PCDHGB7: variants seen among roughly 807,000 people sequenced by gnomAD.
PCDHGB7 encodes the protein protocadherin gamma subfamily B, 7.
In PCDHGB7, 37 loss-of-function variants were observed where a neutral mutation model predicts 61.4. That is an observed-to-expected ratio of 0.60 (90% confidence interval 0.46 to 0.79). The LOEUF (loss-of-function observed/expected upper bound fraction) is 0.79. Ranked by LOEUF, PCDHGB7 falls within the 30% of genes least tolerant of loss-of-function variation. PCDHGB7 has a pLI of 0.00. For missense variants in PCDHGB7, 1,166 were observed against 1,202.5 expected, an observed-to-expected ratio of 0.97 and a Z score of 0.45; for synonymous variants, 464 against 503.5, an observed-to-expected ratio of 0.92 and a Z score of 1.05.
intron 1 of PCDHGB7, among the ~76,000 whole-genome samples, chr5:141,467,372 T>C (rs1006663543): frequency 2.0e-5 from 3 of 152,072 alleles, no homozygotes; most frequent in African/African-American, 7.2e-5. Flanking sequence ...TTTTCTTATA[T>C]TGCATTTAGG....
Position 141,487,893 on chromosome 5 carries a change from G to A in PCDHGB7, c.2416-6914G>A. Reference sequence around the variant, plus strand: ...AGCCAGGCTGTTGTGGAAGCATGATGATGGAATGTGGGAGCACAGGAGGCT... The same window carrying A: ...AGCCAGGCTGTTGTGGAAGCATGATAATGGAATGTGGGAGCACAGGAGGCT... On this transcript the variant is annotated intron_variant, in intron 1 of 3. Coordinates refer to ENST00000398594, the MANE Select transcript of PCDHGB7 (RefSeq NM_018927.4). The surrounding 1 kb of genome is among the most constrained non-coding windows in gnomAD (Gnocchi z 5.0). The A allele has an allele frequency of 1.4e-6, 1 of 731,472 alleles. No individual in the cohort carries two copies. The highest frequency in any genetic ancestry group is 2.2e-6 in the Non-Finnish European group (1 of 450,166). 45.3% of individuals were successfully genotyped at this position (731,472 alleles called of 1,614,324 possible). A position where few individuals can be genotyped will look rare whatever the true frequency, so the allele number is the denominator to read the frequency against.
chr5:141,446,173 G>A (rs2098491860), intron 1 of PCDHGB7, among the ~76,000 whole-genome samples: 1 of 152,076 alleles, frequency 6.6e-6, no homozygotes, highest in East Asian at 1.9e-4. Context: ...TGAGGGCAGG[G>A]GGTGTTTTGT....
rs530054362 is a variant in PCDHGB7 at position 141,486,066 on chromosome 5, C to G, written c.2416-8741C>G. ...AGAAACCTCTTTAGCCTGCACCCCACTACTGGAAAGCTTACTCTTTTGGGG... is the reference window on the plus strand; with the variant it reads ...AGAAACCTCTTTAGCCTGCACCCCAGTACTGGAAAGCTTACTCTTTTGGGG... On this transcript the variant is annotated intron_variant, in intron 1 of 3. Coordinates refer to ENST00000398594, the MANE Select transcript of PCDHGB7 (RefSeq NM_018927.4). This position sits in a 1 kb window ranked among gnomAD's most constrained non-coding sequence, Gnocchi z 5.0. The G allele has an allele frequency of 3.1e-6, 5 of 1,614,166 alleles. No homozygotes were observed. In the African/African-American group the frequency reaches 5.3e-5, roughly 17 times the overall value.
intron 2 of PCDHGB7, among the ~76,000 whole-genome samples, chr5:141,497,016 C>G (rs1384415729): frequency 6.6e-6 from 1 of 152,056 alleles, no homozygotes; most frequent in East Asian, 1.9e-4. Context: ...TGGTGAAACC[C>G]CATCTCGATT....
At position 141,432,952 on chromosome 5, in the gene PCDHGB7, C is replaced by G. The variant is rs2097553312; in HGVS notation, c.2415+12678C>G. ...GCCTGCTGCAGGCTTCAGGAGGCGGCTTGACAGGAGCGCCGGCGTCGCACT... is the reference window on the plus strand; with the variant it reads ...GCCTGCTGCAGGCTTCAGGAGGCGGGTTGACAGGAGCGCCGGCGTCGCACT... On this transcript the variant is annotated intron_variant, in intron 1 of 3. Transcript: ENST00000398594. The surrounding 1 kb of genome is among the most constrained non-coding windows in gnomAD (Gnocchi z 6.0). 1 of 1,614,086 alleles carries G rather than the reference C, an allele frequency of 6.2e-7. No individual in the cohort carries two copies. Among genetic ancestry groups the G allele is most frequent in the South Asian group, 1.1e-5 (1 of 91,090 alleles).
intron 1 of PCDHGB7, among the ~76,000 whole-genome samples, chr5:141,460,536 G>A (rs911670681): frequency 2.0e-5 from 3 of 152,092 alleles, no homozygotes; most frequent in African/African-American, 7.2e-5. Flanking sequence ...AATAATCTTA[G>A]CACCTTAATC....
At chr5:141,430,206 TTATTA>T (rs1267858049) in intron 1 of PCDHGB7, among the ~76,000 whole-genome samples, 2 of 151,984 alleles carry the variant, frequency 1.3e-5, no homozygotes, top group African/African-American at 4.8e-5. Flanking sequence ...AAAGTTTAAA[TTATTA>T]TATTATATGA....
Position 141,486,998 on chromosome 5 carries a change from C to G in PCDHGB7, c.2416-7809C>G, listed in dbSNP as rs754609128. On this transcript the variant is annotated intron_variant, in intron 1 of 3. Coordinates refer to ENST00000398594, the MANE Select transcript of PCDHGB7 (RefSeq NM_018927.4). The surrounding 1 kb of genome is among the most constrained non-coding windows in gnomAD (Gnocchi z 5.0). ...AGGTTACAATGCTTGGGTTTCCTAT[C>G]AGCTCCTGGAGGCCCCAGATCCCAG... The G allele has an allele frequency of 6.2e-7, 1 of 1,614,206 alleles. No homozygotes were observed. Among genetic ancestry groups the G allele is most frequent in the Non-Finnish European group, 8.5e-7 (1 of 1,180,034 alleles).
chr5:141,494,901 G>C, intron 2 of PCDHGB7, 36 bp downstream of exon 2: 1 of 1,614,050 alleles, frequency 6.2e-7, no homozygotes, highest in Non-Finnish European at 8.5e-7. Context: ...CCTCTTCTCT[G>C]CGGCATTTTC....
Position 141,496,888 on chromosome 5 carries a change from TA to T in PCDHGB7, c.2474+2038del, listed in dbSNP as rs35063790. 4.6e-3 allele frequency among the ~76,000 whole-genome samples: 621 copies of T among 133,932 alleles called. 1 individual carries two copies. Among genetic ancestry groups the T allele is most frequent in the Middle Eastern group, 0.011 (3 of 270 alleles). 87.9% of individuals were successfully genotyped at this position (133,932 alleles called of 152,430 possible). ...CTGAAAATTTGCAACAAGTAACACT[TA>T]AAAAAAAAAAAAAAGGCTGGGCACT... On this transcript the variant is annotated intron_variant, in intron 2 of 3. Coordinates refer to ENST00000398594, the MANE Select transcript of PCDHGB7 (RefSeq NM_018927.4).
intron 1 of PCDHGB7, among the ~76,000 whole-genome samples, chr5:141,449,342 C>T (rs895923034): frequency 3.3e-5 from 5 of 151,854 alleles, no homozygotes; most frequent in Non-Finnish European, 5.9e-5. Context: ...TGCAGTGGCT[C>T]ACTCCTGTAA....
chr5:141,509,499 T>C (rs895353804), intron 3 of PCDHGB7, among the ~76,000 whole-genome samples: 1 of 152,128 alleles, frequency 6.6e-6, no homozygotes, highest in Non-Finnish European at 1.5e-5. Flanking sequence ...GCATGCTGGA[T>C]GTGACGGTGT....
At chr5:141,464,618 C>G (rs1425657373) in intron 1 of PCDHGB7, among the ~76,000 whole-genome samples, 2 of 152,092 alleles carry the variant, frequency 1.3e-5, no homozygotes, top group Non-Finnish European at 2.9e-5. Context: ...AGTATATTGT[C>G]AAGCTTTTTA....
Position 141,490,672 on chromosome 5 carries a change from G to A in PCDHGB7, c.2416-4135G>A. ...GGGCTCCCTTCTTTGCACTGTGGCT[G>A]CCTCAGATCCAGACACTGGGGATAA... is the stretch of plus-strand genomic sequence containing the variant. On this transcript the variant is annotated intron_variant, in intron 1 of 3. Transcript: ENST00000398594. This position sits in a 1 kb window ranked among gnomAD's most constrained non-coding sequence, Gnocchi z 5.4. 1.2e-6 allele frequency: 2 copies of A among 1,614,114 alleles called. No homozygotes were observed. Among genetic ancestry groups the A allele is most frequent in the Non-Finnish European group, 1.7e-6 (2 of 1,179,996 alleles).
intron 1 of PCDHGB7, chr5:141,421,613 A>T (rs2096587756): frequency 6.2e-7 from 1 of 1,613,720 alleles, no homozygotes; most frequent in Admixed American, 1.7e-5. Context: ...GATATTAATG[A>T]TAACGCCCCC....
At chr5:141,423,754 GGGGGGGT>G in intron 1 of PCDHGB7, 1 of 577,826 alleles carries the variant, frequency 1.7e-6, no homozygotes, top group Non-Finnish European at 2.2e-6. Flanking sequence ...ACTGTTTGGG[GGGGGGGT>G]GGGGCGGCAT....
intron 1 of PCDHGB7, among the ~76,000 whole-genome samples, chr5:141,450,424 CTTTAA>C (rs2098679800): frequency 1.3e-5 from 2 of 152,146 alleles, no homozygotes; most frequent in East Asian, 3.9e-4. Context: ...TGTATAATGC[CTTTAA>C]TTTATATTTG....
chr5:141,460,091 A>G (rs2098981847), intron 1 of PCDHGB7, among the ~76,000 whole-genome samples: 1 of 152,002 alleles, frequency 6.6e-6, no homozygotes, highest in Non-Finnish European at 1.5e-5. Flanking sequence ...AATAATAATT[A>G]TACATGTAAT....
intron 1 of PCDHGB7, among the ~76,000 whole-genome samples, chr5:141,456,843 A>G (rs2098891742): frequency 6.6e-6 from 1 of 152,030 alleles, no homozygotes. Context: ...GGCGCCTGTA[A>G]TCCCAGCTAA....
Sources: allele counts gnomAD v4.1 joint callset (sites outside exome capture counted in the v4.1 genomes callset), GRCh38; gene constraint gnomAD v4.1.1; non-coding constraint Gnocchi (gnomAD v3.1); transcripts MANE v1.5; gene names NCBI Gene and HGNC (gene_info 2026-07-23, HGNC 2026-07-21).